Variants in LRP1B observed in about 807,000 individuals in gnomAD.
LRP1B encodes LDL receptor related protein 1B.
In LRP1B, 217 loss-of-function variants were observed where a neutral mutation model predicts 556.6. That is an observed-to-expected ratio of 0.39 (90% CI 0.35 to 0.44). LRP1B has a LOEUF of 0.44. Among genes scored for constraint, LRP1B ranks in the 20% least tolerant of loss-of-function variants. LRP1B has a pLI of 1.00. For missense variants in LRP1B, 5,053 were observed against 5,620.8 expected (o/e 0.90, Z 3.23); for synonymous variants, 2,047 against 1,865.8 (o/e 1.10, Z -2.50).
chr2:141,241,367 T>C (rs1274013029), intron 5 of LRP1B, among the ~76,000 whole-genome samples: 9 of 152,108 alleles, frequency 5.9e-5, no homozygotes. Context: ...GGGAAGCTTG[T>C]TCTCCAGCTG....
At chr2:141,481,439 T>C (rs568595376) in intron 2 of LRP1B, among the ~76,000 whole-genome samples, 7 of 152,326 alleles carry the variant, frequency 4.6e-5, no homozygotes, top group African/African-American at 1.7e-4. Flanking sequence ...CATGTATTAA[T>C]CTGACATAGA....
intron 43 of LRP1B, among the ~76,000 whole-genome samples, chr2:140,582,949 C>T (rs1434767481): frequency 2.0e-5 from 3 of 152,062 alleles, no homozygotes; most frequent in African/African-American, 7.2e-5. Flanking sequence ...ACCTTCTTTC[C>T]CCATTTGTGC....
intron 1 of LRP1B, among the ~76,000 whole-genome samples, chr2:141,912,057 TGG>T (rs1284615657): frequency 4.6e-5 from 7 of 152,208 alleles, no homozygotes; most frequent in Non-Finnish European, 7.4e-5. Flanking sequence ...CCATATATTT[TGG>T]GACATAGCTA....
At chr2:141,475,585 C>T (rs1230947194) in intron 3 of LRP1B, among the ~76,000 whole-genome samples, 1 of 152,032 alleles carries the variant, frequency 6.6e-6, no homozygotes, top group Non-Finnish European at 1.5e-5. Context: ...TGTCTTCACA[C>T]CCAGATGTTG....
intron 1 of LRP1B, among the ~76,000 whole-genome samples, chr2:141,965,717 G>T (rs1240330018): frequency 7.3e-6 from 1 of 136,532 alleles, no homozygotes; most frequent in Admixed American, 7.9e-5. Flanking sequence ...TGCACAATGT[G>T]CACATGTACC....
chr2:140,884,830 A>G (rs545754305), intron 24 of LRP1B, among the ~76,000 whole-genome samples: 1 of 152,200 alleles, frequency 6.6e-6, no homozygotes, highest in African/African-American at 2.4e-5. Flanking sequence ...CTCCTACTTC[A>G]GCCTCCTGAG....
intron 41 of LRP1B, among the ~76,000 whole-genome samples, chr2:140,618,826 T>C (rs968265272): frequency 1.3e-5 from 2 of 151,784 alleles, no homozygotes; most frequent in Non-Finnish European, 2.9e-5. Flanking sequence ...TGAGTCAGAG[T>C]TGGGGGCAAG....
chr2:141,480,219 A>G, intron 3 of LRP1B, 177 bp downstream of exon 3: 2 of 680,670 alleles, frequency 2.9e-6, no homozygotes, highest in Non-Finnish European at 5.1e-6. Context: ...TTTTTGCTCA[A>G]ACATAATACT....
intron 6 of LRP1B, among the ~76,000 whole-genome samples, chr2:141,215,230 A>G (rs548185260): frequency 6.6e-6 from 1 of 152,168 alleles, no homozygotes; most frequent in Non-Finnish European, 1.5e-5. Flanking sequence ...TCCTTCAACT[A>G]CAGCCATGAT....
intron 18 of LRP1B, among the ~76,000 whole-genome samples, chr2:140,969,642 G>T (rs1696347060): frequency 6.6e-6 from 1 of 152,148 alleles, no homozygotes; most frequent in African/African-American, 2.4e-5. Context: ...AATTTGGCAT[G>T]TTTTTTGCAG....
chr2:141,434,746 A>G (rs1010930835), intron 3 of LRP1B, among the ~76,000 whole-genome samples: 1 of 119,914 alleles, frequency 8.3e-6, no homozygotes, highest in Non-Finnish European at 1.8e-5. Context: ...GGTGGTATTG[A>G]TAGGTCAGTT....
At chr2:140,952,539 G>A (rs1021117649) in intron 18 of LRP1B, among the ~76,000 whole-genome samples, 6 of 146,632 alleles carry the variant, frequency 4.1e-5, no homozygotes, top group Admixed American at 2.7e-4. Flanking sequence ...ACAAAAAACC[G>A]AAAAAAAAAT....
At chr2:142,057,096 A>C (rs1424331251) in intron 1 of LRP1B, among the ~76,000 whole-genome samples, 1 of 152,150 alleles carries the variant, frequency 6.6e-6, no homozygotes, top group Non-Finnish European at 1.5e-5. Flanking sequence ...GTTTAGGAGT[A>C]TATTTACCAT....
At chr2:141,519,721 A>C (rs1258889750) in intron 2 of LRP1B, among the ~76,000 whole-genome samples, 1 of 152,068 alleles carries the variant, frequency 6.6e-6, no homozygotes, top group Non-Finnish European at 1.5e-5. Context: ...ATATATGTAG[A>C]CCTGTACTCA....
chr2:141,267,386 A>G (rs1465984715), intron 3 of LRP1B, among the ~76,000 whole-genome samples: 1 of 152,194 alleles, frequency 6.6e-6, no homozygotes, highest in Admixed American at 6.5e-5. Flanking sequence ...ATAAGGAGTG[A>G]AAATATACTC....
At chr2:140,694,280 T>A (rs528562486) in intron 41 of LRP1B, among the ~76,000 whole-genome samples, 1 of 152,306 alleles carries the variant, frequency 6.6e-6, no homozygotes, top group Non-Finnish European at 1.5e-5. Flanking sequence ...TTTATATTTT[T>A]TTAATTAGTG....
chr2:140,582,305 A>C (rs1307398931), intron 43 of LRP1B, among the ~76,000 whole-genome samples: 2 of 152,204 alleles, frequency 1.3e-5, no homozygotes, highest in African/African-American at 4.8e-5. Context: ...GGGGTTAGGC[A>C]TCACTATCAC....
chr2:141,962,025 C>T (rs72852549), intron 1 of LRP1B, among the ~76,000 whole-genome samples: 31,443 of 151,518 alleles, frequency 0.21, 3,932 homozygotes, highest in East Asian at 0.3. Flanking sequence ...TTTGAAGATG[C>T]TTAGTAAAGG....
At chr2:142,063,664 T>C (rs1364710761) in intron 1 of LRP1B, among the ~76,000 whole-genome samples, 3 of 151,666 alleles carry the variant, frequency 2.0e-5, no homozygotes, top group Non-Finnish European at 4.4e-5. Flanking sequence ...AAACACTGTT[T>C]AATACCTAGA....
Sources: gnomAD v4.1 joint callset for allele counts (sites outside exome capture counted in the v4.1 genomes callset) on GRCh38, gnomAD v4.1.1 for gene constraint, MANE v1.5 for transcripts, NCBI Gene and HGNC (gene_info 2026-07-23, HGNC 2026-07-21) for gene names.